The following PLA2R1 variants were observed in gnomAD, a reference collection of about 807,000 sequenced individuals.
PLA2R1 encodes the protein phospholipase A2 receptor 1.
PLA2R1 carries 158 observed loss-of-function variants against 195.9 expected under a neutral mutation model. The observed-to-expected ratio is 0.81, with a 90% CI of 0.71 to 0.92. PLA2R1 has a LOEUF of 0.92. PLA2R1 is among the 40% of genes least tolerant of loss of function. PLA2R1 has a pLI of 0.00. For synonymous variants in PLA2R1, 586 were observed against 598.2 expected, an observed-to-expected ratio of 0.98 and a Z score of 0.30; for missense variants, 1,626 against 1,764.6, an observed-to-expected ratio of 0.92 and a Z score of 1.41.
intron 1 of PLA2R1, among the ~76,000 whole-genome samples, chr2:160,051,086 C>G (rs1331323656): frequency 1.3e-5 from 2 of 152,132 alleles, no homozygotes; most frequent in African/African-American, 2.4e-5. Flanking sequence ...TTTAAAGAAA[C>G]AATAAAACAA....
rs553815023 is a variant in PLA2R1, at chr2:159,989,067, A to C, written c.1835-1709T>G. On this transcript the variant is annotated intron_variant, in intron 11 of 29. Coordinates refer to ENST00000283243, the MANE Select transcript of PLA2R1 (RefSeq NM_007366.5). ...CAAAGGTAAAAATGTCCAGTGGTAA[A>C]AGAGGAAACACGCTATCCCTCACAT... Among the ~76,000 whole-genome samples the C allele has an allele frequency of 5.3e-5, 8 of 152,286 alleles. No individual in the cohort carries two copies. The South Asian group carries it at 8.3e-4, about 16-fold the overall frequency.
Position 159,976,678 on chromosome 2 carries a change from T to C in PLA2R1, c.2437+7A>G. On this transcript the variant is annotated splice_region_variant and intron_variant, in intron 16 of 29. Transcript: ENST00000283243. ...AGAAATTCAAGAGCTGCCAGAGTCA[T>C]TCTTACCGTACTGGTACCAGAACGG... 1 of 1,586,932 alleles carries C rather than the reference T, an allele frequency of 6.3e-7. No homozygotes were observed. The highest frequency in any genetic ancestry group is 8.7e-7 in the Non-Finnish European group (1 of 1,155,240).
At chr2:159,989,206 G>A (rs1690579547) in intron 11 of PLA2R1, among the ~76,000 whole-genome samples, 1 of 152,172 alleles carries the variant, frequency 6.6e-6, no homozygotes. Context: ...AGGCAAGGGG[G>A]AGAGATTATA....
At position 159,967,564 on chromosome 2, in the gene PLA2R1, T is replaced by C. The variant is rs1174407590; in HGVS notation, c.2879A>G (p.Lys960Arg). The change falls in exon 20 of 30, where the codon AAA (lysine) becomes AGA (arginine). Residue 960 changes from lysine (K) to arginine (R), a missense_variant. Lys to Arg is a conservative substitution (Grantham distance 26). Transcript: ENST00000283243. ...CTTATAGTTAAAATATAGCCATCCT[T>C]TGGGACACGTTCCATGTTGTTTTGG... ...DTPKQHGTCP[K>R]GWLYFNYKCL... is the part of the protein sequence containing the mutation. The C allele has an allele frequency of 6.2e-7, 1 of 1,613,692 alleles. No individual in the cohort carries two copies. The highest frequency in any genetic ancestry group is 8.5e-7 in the Non-Finnish European group (1 of 1,179,706).
At chr2:160,006,362 T>C (rs981669313) in intron 10 of PLA2R1, among the ~76,000 whole-genome samples, 2 of 152,234 alleles carry the variant, frequency 1.3e-5, no homozygotes, top group African/African-American at 2.4e-5. Flanking sequence ...AGTGTGTTCA[T>C]AGGCAGAGGT....
chr2:159,987,933 A>G (rs1690468387), intron 11 of PLA2R1, among the ~76,000 whole-genome samples: 1 of 152,132 alleles, frequency 6.6e-6, no homozygotes, highest in Non-Finnish European at 1.5e-5. Context: ...AGAGAGAGAG[A>G]GGGGCTTTTA....
At chr2:159,965,471 C>T (rs148522901) in intron 20 of PLA2R1, among the ~76,000 whole-genome samples, 2 of 152,244 alleles carry the variant, frequency 1.3e-5, no homozygotes, top group African/African-American at 4.8e-5. Flanking sequence ...GTTTTAAAGG[C>T]TTGATAGCTA....
At chr2:160,056,496 C>T (rs1253272747) in intron 1 of PLA2R1, among the ~76,000 whole-genome samples, 3 of 152,198 alleles carry the variant, frequency 2.0e-5, no homozygotes, top group Non-Finnish European at 2.9e-5. Flanking sequence ...GGTCCATCTC[C>T]AAAACTTGGA....
In PLA2R1 at chr2:159,956,567, GT is replaced by G; in HGVS notation, c.2964del (p.Gln988HisfsTer25). On this transcript the variant is annotated frameshift_variant, in exon 21 of 30. Coordinates refer to ENST00000283243, the MANE Select transcript of PLA2R1 (RefSeq NM_007366.5). LOFTEE classifies it high-confidence loss of function. ...GTCCCCCCTTCTTCAGCACAGAAAT[GT>G]TGAGCATGCGTCCAGTTCTTCCAAC... ...PSSWKNWTHA[Q>X]HFCAEEGGTL... is the part of the protein sequence containing the mutation. 1.2e-6 allele frequency: 2 copies of G among 1,613,864 alleles called. No individual in the cohort carries two copies. The highest frequency in any genetic ancestry group is 1.7e-6 in the Non-Finnish European group (2 of 1,179,812).
chr2:160,056,198 A>AT (rs1161599730), intron 1 of PLA2R1, among the ~76,000 whole-genome samples: 1 of 142,198 alleles, frequency 7.0e-6, no homozygotes, highest in African/African-American at 2.9e-5. Flanking sequence ...AACAGAATGG[A>AT]ACAGGGGGAA....
rs1694572894 is a variant in PLA2R1 at position 160,042,302 on chromosome 2, G to A, written c.494-104C>T. The A allele has an allele frequency of 1.4e-5, 13 of 901,254 alleles. No individual in the cohort carries two copies. The Admixed American group carries it at 2.8e-4, about 19-fold the overall frequency. The allele number at this position is 901,254 out of a possible 1,614,324, so 55.8% of individuals were successfully genotyped here. A position where few individuals can be genotyped will look rare whatever the true frequency, so the allele number is the denominator to read the frequency against. ...TTTTTATGGACTGAAACCCTCTTGG[G>A]GCAGATACTCACTACAGCAGAGTGA... On this transcript the variant is annotated intron_variant, in intron 2 of 29. Coordinates refer to ENST00000283243, the MANE Select transcript of PLA2R1 (RefSeq NM_007366.5).
chr2:160,060,568 A>G (rs1381918802), intron 1 of PLA2R1, among the ~76,000 whole-genome samples: 2 of 152,228 alleles, frequency 1.3e-5, no homozygotes, highest in African/African-American at 4.8e-5. Flanking sequence ...AAGAATCTCT[A>G]TGCCAACTAT....
chr2:160,016,642 A>G lies in PLA2R1; in HGVS notation c.1523T>C (p.Leu508Pro). The change falls in exon 9 of 30, where the codon CTC becomes CCC. Residue 508 changes from leucine to proline, a missense_variant. By Grantham distance (98) the Leu-to-Pro change is moderately conservative. Coordinates refer to ENST00000283243, the MANE Select transcript of PLA2R1 (RefSeq NM_007366.5). ...TTGACATCCTGATTCAGCATCAGAG[A>G]GGACATGGCCTGCTTTTTTACAAAT... Reference protein sequence around the residue: ...FYICKKAGHVLSDAESGCQEG... With the variant: ...FYICKKAGHVPSDAESGCQEG... The G allele has an allele frequency of 6.2e-7, 1 of 1,607,132 alleles. No homozygotes were observed.
At position 159,984,028 on chromosome 2, in the gene PLA2R1, C is replaced by T; in HGVS notation, c.2083G>A (p.Ala695Thr). The change falls in exon 13 of 30, where the codon GCT becomes ACT. Residue 695 changes from alanine (A) to threonine (T), a missense_variant. By Grantham distance (58) the Ala-to-Thr change is moderately conservative (BLOSUM62 0). Transcript: ENST00000283243. ...KVLMKRTWRE[A>T]EAFCEEFGAH... ...CCAAATTCTTCGCAAAATGCTTCAG[C>T]TTCTCTCCATGTTCTTTTCATCAGA... 1 of 1,589,880 alleles carries T rather than the reference C, an allele frequency of 6.3e-7. No homozygotes were observed. The highest frequency in any genetic ancestry group is 8.6e-7 in the Non-Finnish European group (1 of 1,158,830).
intron 20 of PLA2R1, among the ~76,000 whole-genome samples, chr2:159,958,094 T>C (rs1336120832): frequency 1.1e-4 from 16 of 152,190 alleles, no homozygotes; most frequent in Non-Finnish European, 1.8e-4. Context: ...CCAACTCTCA[T>C]GTTGAAATGT....
intron 3 of PLA2R1, among the ~76,000 whole-genome samples, chr2:160,038,127 C>A (rs1694279671): frequency 6.6e-6 from 1 of 152,164 alleles, no homozygotes; most frequent in Non-Finnish European, 1.5e-5. Context: ...AAGGTATAGA[C>A]AATTCTTTTG....
In PLA2R1 at chr2:159,939,332, C is replaced by G. The variant is rs941321350; in HGVS notation, c.*2446G>C. 4 of 151,652 alleles carry G rather than the reference C, an allele frequency of 2.6e-5. No homozygotes were observed. Among genetic ancestry groups the G allele is most frequent in the African/African-American group, 9.7e-5 (4 of 41,262 alleles). The allele number at this position is 151,652 out of a possible 1,614,324, so 9.4% of individuals were successfully genotyped here. ...ACCATCCTGGACAACATGGTGAAAC[C>G]CTGTCTCTACTAAAAATACAAAAAT... On this transcript the variant is annotated 3_prime_UTR_variant, in exon 30 of 30. Transcript: ENST00000283243.
chr2:160,009,243 G>A (rs934342887), intron 10 of PLA2R1, among the ~76,000 whole-genome samples: 1 of 152,198 alleles, frequency 6.6e-6, no homozygotes, highest in Non-Finnish European at 1.5e-5. Context: ...GACTCGAAGG[G>A]TATTTGTACA....
chr2:160,042,808 T>C (rs1326631843), intron 2 of PLA2R1, among the ~76,000 whole-genome samples: 1 of 22,254 alleles, frequency 4.5e-5, no homozygotes, highest in Non-Finnish European at 8.3e-5. Context: ...TGCGTGTGTG[T>C]GTGTGTGTGT....
Sources: gnomAD v4.1 joint callset for allele counts (sites outside exome capture counted in the v4.1 genomes callset) on GRCh38, gnomAD v4.1.1 for gene constraint, MANE v1.5 for transcripts, NCBI Gene and HGNC (gene_info 2026-07-23, HGNC 2026-07-21) for gene names.